Variants in ALPK1 observed in about 807,000 individuals in gnomAD.
The protein encoded by ALPK1 is alpha kinase 1.
Under a neutral mutation model 120.6 loss-of-function variants are expected in ALPK1, and 110 were observed. That is an observed-to-expected ratio of 0.91 (90% CI 0.78 to 1.07). The LOEUF (loss-of-function observed/expected upper bound fraction) is 1.07. Among genes scored for constraint, ALPK1 ranks in the 50% least tolerant of loss-of-function variants. ALPK1 has a pLI of 0.00. For missense variants in ALPK1, 1,498 were observed against 1,483.9 expected, an observed-to-expected ratio of 1.01 and a Z score of -0.16; for synonymous variants, 582 against 560.3, an observed-to-expected ratio of 1.04 and a Z score of -0.55.
Position 112,300,701 on chromosome 4 carries a change from T to TA in ALPK1, c.-153+3244dup, listed in dbSNP as rs778101874. On this transcript the variant is annotated intron_variant, in intron 1 of 15. Coordinates refer to ENST00000650871, the MANE Select transcript of ALPK1 (RefSeq NM_025144.4). ...TCTAATAATTCTTTTGGCTTAAAGATAAAAAAAAAAAAGGCAGGGAAGGGG... is the reference window on the plus strand; with the variant it reads ...TCTAATAATTCTTTTGGCTTAAAGATAAAAAAAAAAAAAGGCAGGGAAGGGG... Among the ~76,000 whole-genome samples, 1,258 of 134,022 alleles carry TA rather than the reference T, an allele frequency of 9.4e-3. 7 individuals are homozygous for TA. The highest frequency in any genetic ancestry group is 0.012 in the Non-Finnish European group (755 of 61,114). 87.9% of individuals were successfully genotyped at this position (134,022 alleles called of 152,430 possible). A position where few individuals can be genotyped will look rare whatever the true frequency, so the allele number is the denominator to read the frequency against.
At chr4:112,356,266 A>G in intron 2 of ALPK1, 1 of 1,283,952 alleles carries the variant, frequency 7.8e-7, no homozygotes, top group Non-Finnish European at 1.1e-6. Flanking sequence ...CCGCGGGCAC[A>G]GGCAAGACGC....
At chr4:112,354,766 A>G (rs551570386) in intron 2 of ALPK1, among the ~76,000 whole-genome samples, 1 of 152,208 alleles carries the variant, frequency 6.6e-6, no homozygotes, top group East Asian at 1.9e-4. Context: ...CCATGCCTGG[A>G]CTGTAAGATC....
intron 3 of ALPK1, 48 bp downstream of exon 3, chr4:112,377,946 T>G: frequency 6.4e-7 from 1 of 1,552,684 alleles, no homozygotes; most frequent in Non-Finnish European, 8.8e-7. Context: ...AGGTTCACTC[T>G]CCTGTCCCCT....
At chr4:112,309,388 G>T (rs1311370828) in intron 1 of ALPK1, among the ~76,000 whole-genome samples, 1 of 152,162 alleles carries the variant, frequency 6.6e-6, no homozygotes, top group African/African-American at 2.4e-5. Flanking sequence ...AGCTACGGTG[G>T]GCTCCACCCA....
chr4:112,433,902 G>C (rs533631397), intron 11 of ALPK1, among the ~76,000 whole-genome samples: 2 of 152,024 alleles, frequency 1.3e-5, no homozygotes, highest in Non-Finnish European at 2.9e-5. Context: ...TCTGGAGTGC[G>C]GACCCAGGGA....
chr4:112,427,033 C>G (rs1429169355), intron 8 of ALPK1, among the ~76,000 whole-genome samples: 1 of 152,218 alleles, frequency 6.6e-6, no homozygotes, highest in African/African-American at 2.4e-5. Flanking sequence ...TCTGAAACAT[C>G]TGGTTATTAC....
chr4:112,359,171 C>T (rs1040712069), intron 2 of ALPK1: 2 of 635,166 alleles, frequency 3.1e-6, no homozygotes, highest in Non-Finnish European at 5.8e-6. Flanking sequence ...GCAGGCCCCA[C>T]CTGTCCCCCA....
intron 11 of ALPK1, among the ~76,000 whole-genome samples, chr4:112,434,445 T>A (rs1471132624): frequency 6.6e-6 from 1 of 152,218 alleles, no homozygotes; most frequent in South Asian, 2.1e-4. Context: ...TAGACAAAAG[T>A]CTTTGTTCAC....
intron 9 of ALPK1, among the ~76,000 whole-genome samples, chr4:112,428,786 C>T (rs916869): frequency 0.59 from 89,753 of 151,636 alleles, 26,841 homozygotes; most frequent in East Asian, 0.8. Context: ...TACGTATTTA[C>T]AGAATTAATA....
chr4:112,356,144 A>G (rs1730601588), intron 2 of ALPK1: 1 of 1,600,422 alleles, frequency 6.2e-7, no homozygotes, highest in Non-Finnish European at 8.6e-7. Context: ...TATGCCCAAG[A>G]TAGTCCTGAA....
At chr4:112,317,951 G>A (rs541843215) in intron 2 of ALPK1, among the ~76,000 whole-genome samples, 120 of 152,250 alleles carry the variant, frequency 7.9e-4, no homozygotes, top group Non-Finnish European at 1.5e-3. Flanking sequence ...TAATTGAAAG[G>A]TCTGAAAATA....
chr4:112,298,092 T>C (rs1727623117), intron 1 of ALPK1, among the ~76,000 whole-genome samples: 1 of 152,214 alleles, frequency 6.6e-6, no homozygotes, highest in Non-Finnish European at 1.5e-5. Context: ...TAAAAAATTC[T>C]AGTGTTTGAA....
chr4:112,318,467 T>A (rs894413986), intron 2 of ALPK1, among the ~76,000 whole-genome samples: 2 of 152,228 alleles, frequency 1.3e-5, no homozygotes, highest in Non-Finnish European at 2.9e-5. Context: ...CCCAGGGTCA[T>A]TTGCCTCTGA....
Position 112,429,097 on chromosome 4 carries a change from C to G in ALPK1, c.796-52C>G, listed in dbSNP as rs1734406788. 2.0e-6 allele frequency: 3 copies of G among 1,498,478 alleles called. No individual in the cohort carries two copies. In the East Asian group the frequency reaches 6.8e-5, roughly 34 times the overall value. 92.8% of individuals were successfully genotyped at this position (1,498,478 alleles called of 1,614,324 possible). ...AAACCATTTCATAGCCTGTTTTTTG[C>G]TCATCGATAATTAATTATCACCATT... On this transcript the variant is annotated intron_variant, in intron 9 of 15. Coordinates refer to ENST00000650871, the MANE Select transcript of ALPK1 (RefSeq NM_025144.4).
At chr4:112,403,593 A>G (rs1324263037) in intron 4 of ALPK1, among the ~76,000 whole-genome samples, 1 of 152,178 alleles carries the variant, frequency 6.6e-6, no homozygotes, top group African/African-American at 2.4e-5. Flanking sequence ...ATTTTCCACA[A>G]TGCTATTGAA....
Position 112,439,984 on chromosome 4 carries a change from T to A in ALPK1, c.3538+112T>A, listed in dbSNP as rs1009290873. 5.1e-6 allele frequency: 5 copies of A among 987,780 alleles called. No individual in the cohort carries two copies. The African/African-American group carries it at 8.3e-5, about 16-fold the overall frequency. 61.2% of individuals were successfully genotyped at this position (987,780 alleles called of 1,614,324 possible). A position where few individuals can be genotyped will look rare whatever the true frequency, so the allele number is the denominator to read the frequency against. ...AGATTGTTCCATGTATAGGCTATTA[T>A]TTGGAGTTAACTTAATTGATCTTAC... On this transcript the variant is annotated intron_variant, in intron 14 of 15. Coordinates refer to ENST00000650871, the MANE Select transcript of ALPK1 (RefSeq NM_025144.4).
At chr4:112,380,238 C>G (rs986701362) in intron 3 of ALPK1, among the ~76,000 whole-genome samples, 16 of 152,280 alleles carry the variant, frequency 1.1e-4, no homozygotes, top group African/African-American at 3.9e-4. Flanking sequence ...TTCTCTACAG[C>G]TATATTGAAA....
intron 3 of ALPK1, among the ~76,000 whole-genome samples, chr4:112,378,429 TC>T (rs1029566584): frequency 1.3e-5 from 2 of 152,218 alleles, no homozygotes; most frequent in Non-Finnish European, 2.9e-5. Flanking sequence ...TGCATCATTA[TC>T]AGGTTTTAAG....
At chr4:112,399,404 GA>G (rs1732808544) in intron 4 of ALPK1, among the ~76,000 whole-genome samples, 1 of 152,148 alleles carries the variant, frequency 6.6e-6, no homozygotes, top group South Asian at 2.1e-4. Flanking sequence ...TAGCAACCTT[GA>G]AAAGAATAGG....
Sources: gnomAD v4.1 joint callset for allele counts (sites outside exome capture counted in the v4.1 genomes callset) on GRCh38, gnomAD v4.1.1 for gene constraint, MANE v1.5 for transcripts, NCBI Gene and HGNC (gene_info 2026-07-23, HGNC 2026-07-21) for gene names.